The following SPIN1 variants were observed in gnomAD, a reference collection of about 807,000 sequenced individuals.
SPIN1 encodes spindlin 1.
SPIN1 carries 3 observed loss-of-function variants against 26.0 expected under a neutral mutation model. The observed-to-expected ratio is 0.12, with a 90% CI of 0.05 to 0.30. SPIN1 has a LOEUF of 0.30. Ranked by LOEUF, SPIN1 falls within the 10% of genes least tolerant of loss-of-function variation. SPIN1 has a pLI of 1.00. For missense variants in SPIN1, 126 were observed against 333.4 expected (o/e 0.38, Z 4.84); for synonymous variants, 101 against 116.5 (o/e 0.87, Z 0.86).
intron 5 of SPIN1, among the ~76,000 whole-genome samples, chr9:88,471,134 A>G (rs1266521766): frequency 1.3e-5 from 2 of 152,114 alleles, no homozygotes; most frequent in Non-Finnish European, 2.9e-5. Flanking sequence ...CTTGCTGAGT[A>G]TGCTTTTTGT....
rs1285335112 is a variant in SPIN1, at chr9:88,426,600, T to C, written c.52+9T>C. 8.1e-6 allele frequency: 13 copies of C among 1,612,126 alleles called. No homozygotes were observed. Among genetic ancestry groups the C allele is most frequent in the Non-Finnish European group, 1.1e-5 (13 of 1,178,804 alleles). On this transcript the variant is annotated intron_variant, in intron 2 of 5. Transcript: ENST00000375859. The stretch of plus-strand genomic sequence containing the variant: ...GTCCAGAGCTGATGCAGGTAGGCAT[T>C]GCGGTTCTACACATATTTAAATATA...
At chr9:88,450,183 G>T (rs1277585592) in intron 3 of SPIN1, among the ~76,000 whole-genome samples, 2 of 152,066 alleles carry the variant, frequency 1.3e-5, no homozygotes, top group Non-Finnish European at 2.9e-5. Flanking sequence ...TCATTATCAT[G>T]TCATTACTGT....
chr9:88,422,494 C>G (rs917398115), intron 1 of SPIN1, among the ~76,000 whole-genome samples: 1 of 152,106 alleles, frequency 6.6e-6, no homozygotes, highest in Non-Finnish European at 1.5e-5. Context: ...ATTTTGAAAG[C>G]CTTACATGGC....
chr9:88,406,036 T>TGTAC (rs1044395715), intron 1 of SPIN1, among the ~76,000 whole-genome samples: 1 of 148,810 alleles, frequency 6.7e-6, no homozygotes, highest in Non-Finnish European at 1.5e-5. Flanking sequence ...TGTGTGTGTG[T>TGTAC]GTGTGTACGT....
chr9:88,443,029 C>T (rs932447841), intron 2 of SPIN1, among the ~76,000 whole-genome samples: 4 of 149,420 alleles, frequency 2.7e-5, no homozygotes, highest in Admixed American at 6.7e-5. Context: ...CTGAGGCAGG[C>T]GAATCGCTTG....
intron 3 of SPIN1, among the ~76,000 whole-genome samples, chr9:88,460,584 G>C (rs1284877796): frequency 6.6e-6 from 1 of 152,198 alleles, no homozygotes; most frequent in African/African-American, 2.4e-5. Flanking sequence ...GGGAAAGCTG[G>C]AAGTGGAATT....
At chr9:88,411,586 T>C (rs1354474615) in intron 1 of SPIN1, 1 of 578,210 alleles carries the variant, frequency 1.7e-6, no homozygotes. Flanking sequence ...TGATCTTGGC[T>C]TACTATAGCC....
intron 1 of SPIN1, among the ~76,000 whole-genome samples, chr9:88,413,738 G>T (rs1468377699): frequency 1.3e-5 from 2 of 151,998 alleles, no homozygotes; most frequent in African/African-American, 4.8e-5. Flanking sequence ...ATTGTGGGGT[G>T]GTCTTTGGCT....
chr9:88,427,030 T>C (rs747321738), intron 2 of SPIN1, among the ~76,000 whole-genome samples: 8 of 152,196 alleles, frequency 5.3e-5, no homozygotes, highest in Non-Finnish European at 1.0e-4. Context: ...CATTCATTCT[T>C]ATTTTTGTGG....
chr9:88,468,641 T>A (rs750196905), intron 5 of SPIN1, 36 bp downstream of exon 5: 3 of 1,304,544 alleles, frequency 2.3e-6, no homozygotes. Context: ...ATGTGATAAT[T>A]AGAAGGGATT....
At chr9:88,396,436 T>C (rs1827061087) in intron 1 of SPIN1, among the ~76,000 whole-genome samples, 1 of 151,626 alleles carries the variant, frequency 6.6e-6, no homozygotes, top group African/African-American at 2.4e-5. Flanking sequence ...ACCCCGTCTC[T>C]ACTAAAAATA....
At chr9:88,405,322 G>A (rs991491740) in intron 1 of SPIN1, among the ~76,000 whole-genome samples, 18 of 151,814 alleles carry the variant, frequency 1.2e-4, no homozygotes, top group Admixed American at 2.6e-4. Flanking sequence ...TCCACCTCCC[G>A]GGTTCAAGCG....
At chr9:88,468,065 C>G (rs949985212) in intron 4 of SPIN1, among the ~76,000 whole-genome samples, 1 of 151,968 alleles carries the variant, frequency 6.6e-6, no homozygotes, top group Non-Finnish European at 1.5e-5. Flanking sequence ...CTTGAATGAA[C>G]AATTAAAACT....
At chr9:88,414,810 C>T (rs1827525840) in intron 1 of SPIN1, among the ~76,000 whole-genome samples, 1 of 152,226 alleles carries the variant, frequency 6.6e-6, no homozygotes, top group Non-Finnish European at 1.5e-5. Flanking sequence ...AATTTTTTCT[C>T]CTGTCCAAAT....
intron 4 of SPIN1, among the ~76,000 whole-genome samples, chr9:88,467,152 A>G (rs1828685936): frequency 6.6e-6 from 1 of 152,180 alleles, no homozygotes; most frequent in African/African-American, 2.4e-5. Flanking sequence ...GGGATCCTTC[A>G]TAGTTTTTCC....
intron 1 of SPIN1, among the ~76,000 whole-genome samples, chr9:88,405,388 C>T (rs1244573607): frequency 6.7e-6 from 1 of 148,224 alleles, no homozygotes; most frequent in Non-Finnish European, 1.5e-5. Flanking sequence ...GCCACCATGC[C>T]CGGCTAATTC....
intron 2 of SPIN1, among the ~76,000 whole-genome samples, chr9:88,432,708 C>T (rs1587794983): frequency 6.6e-6 from 1 of 151,678 alleles, no homozygotes; most frequent in Non-Finnish European, 1.5e-5. Context: ...AGGCTGGTCT[C>T]GAACTCCTGA....
At chr9:88,412,777 G>A (rs1007659491) in intron 1 of SPIN1, among the ~76,000 whole-genome samples, 2 of 151,700 alleles carry the variant, frequency 1.3e-5, no homozygotes, top group Admixed American at 6.6e-5. Context: ...TCCACCTCCC[G>A]GGTTCAAGTG....
chr9:88,392,561 CTT>C (rs1342599005), intron 1 of SPIN1, among the ~76,000 whole-genome samples: 1 of 152,036 alleles, frequency 6.6e-6, no homozygotes, highest in Admixed American at 6.6e-5. Context: ...AAGTTAGCCC[CTT>C]GTTACCTGTC....
Sources: gnomAD v4.1 joint callset for allele counts (sites outside exome capture counted in the v4.1 genomes callset) on GRCh38, gnomAD v4.1.1 for gene constraint, MANE v1.5 for transcripts, NCBI Gene and HGNC (gene_info 2026-07-23, HGNC 2026-07-21) for gene names.